Variants in CIART observed in about 807,000 individuals in gnomAD.
CIART encodes circadian associated repressor of transcription, also known as circadian-associated transcriptional repressor.
CIART carries 7 observed loss-of-function variants against 22.1 expected under a neutral mutation model. The observed-to-expected ratio is 0.32, with a 90% CI of 0.18 to 0.59. The LOEUF (loss-of-function observed/expected upper bound fraction) is 0.59, where lower values mean the gene tolerates loss of function less well. Among genes scored for constraint, CIART ranks in the 20% least tolerant of loss-of-function variants. The probability of loss-of-function intolerance (pLI) is 0.86; values close to 1 mark genes in which losing one functional copy is unlikely to be tolerated. For missense variants in CIART, 440 were observed against 478.0 expected, an observed-to-expected ratio of 0.92 and a Z score of 0.74; for synonymous variants, 163 against 174.6, an observed-to-expected ratio of 0.93 and a Z score of 0.53.
rs1336321389 is a variant in CIART at position 150,283,633 on chromosome 1, G to A, written c.366G>A (p.Lys122=). 4 of 1,613,124 alleles carry A rather than the reference G, an allele frequency of 2.5e-6. No individual in the cohort carries two copies. Among genetic ancestry groups the A allele is most frequent in the Non-Finnish European group, 3.4e-6 (4 of 1,179,444 alleles). ...AGGGAGACCTGCTGTTTGCCCAGAAGGTAAGAGAAAGCAGGTGAAAGGAGA... is the reference window on the plus strand; with the variant it reads ...AGGGAGACCTGCTGTTTGCCCAGAAAGTAAGAGAAAGCAGGTGAAAGGAGA... ...TTEGDLLFAQ[K]CKELQGFIPP... The change falls in exon 1 of 5, where the codon AAG becomes AAA. Residue 122 remains lysine, a splice_region_variant and synonymous_variant. Transcript: ENST00000290363.
Position 150,283,287 on chromosome 1 carries a change from T to G in CIART, c.20T>G (p.Val7Gly), listed in dbSNP as rs1653257650. The change falls in exon 1 of 5, where the codon GTT becomes GGT. Residue 7 changes from valine (V) to glycine (G), a missense_variant. Coordinates refer to ENST00000290363, the MANE Select transcript of CIART (RefSeq NM_144697.4). ...GGACCTATGGATTCTCCATCTAGCGTTTCTTCCTATTCCTCCTACTCTCTC... is the reference window on the plus strand; with the variant it reads ...GGACCTATGGATTCTCCATCTAGCGGTTCTTCCTATTCCTCCTACTCTCTC... MDSPSS[V>G]SSYSSYSLSS... is the part of the protein sequence containing the mutation. 1.3e-6 allele frequency: 2 copies of G among 1,521,714 alleles called. No individual in the cohort carries two copies. Among genetic ancestry groups the G allele is most frequent in the Non-Finnish European group, 1.8e-6 (2 of 1,136,394 alleles). The allele number at this position is 1,521,714 out of a possible 1,614,324, so 94.3% of individuals were successfully genotyped here. A position where few individuals can be genotyped will look rare whatever the true frequency, so the allele number is the denominator to read the frequency against.
At position 150,284,614 on chromosome 1, in the gene CIART, C is replaced by G; in HGVS notation, c.539C>G (p.Thr180Ser). The G allele has an allele frequency of 1.2e-6, 2 of 1,613,260 alleles. No homozygotes were observed. Among genetic ancestry groups the G allele is most frequent in the Non-Finnish European group, 1.7e-6 (2 of 1,179,274 alleles). ...TTTCACAGGGAACGTTACCTAGGAA[C>G]CTTGCTACAGGTAGAAGGGATGTTA... ...KPQMGERYLG[T>S]LLQVEGMLKT... is the part of the protein sequence containing the mutation. The change falls in exon 4 of 5, where the codon ACC (threonine) becomes AGC (serine). Residue 180 changes from threonine to serine, a missense_variant. Physicochemically the swap from Thr to Ser is moderately conservative, Grantham distance 58. Coordinates refer to ENST00000290363, the MANE Select transcript of CIART (RefSeq NM_144697.4).
Position 150,286,866 on chromosome 1 carries a change from C to T in CIART, c.1070C>T (p.Thr357Ile). The change falls in exon 5 of 5, where the codon ACC becomes ATC. Residue 357 changes from threonine (T) to isoleucine (I), a missense_variant. Coordinates refer to ENST00000290363, the MANE Select transcript of CIART (RefSeq NM_144697.4). Reference protein sequence around the residue: ...SYTLSPPSLPTLARKMTIGHR... With the variant: ...SYTLSPPSLPILARKMTIGHR... ...ACCCTATCCCCTCCCAGTCTACCCA[C>T]CTTGGCCAGAAAGATGACCATAGGA... The T allele has an allele frequency of 6.2e-7, 1 of 1,613,084 alleles. No individual in the cohort carries two copies. Among genetic ancestry groups the T allele is most frequent in the Non-Finnish European group, 8.5e-7 (1 of 1,179,228 alleles).
At position 150,283,303 on chromosome 1, in the gene CIART, C is replaced by T. The variant is rs1560050879; in HGVS notation, c.36C>T (p.Ser12=). ...DSPSSVSSYS[S]YSLSSSFPTS... is the part of the protein sequence containing the mutation. ...CATCTAGCGTTTCTTCCTATTCCTC[C>T]TACTCTCTCTCTTCGTCTTTTCCCA... is the stretch of plus-strand genomic sequence containing the variant. Residue 12 remains serine (S), a synonymous_variant, in exon 1 of 5, where the codon TCC becomes TCT. Coordinates refer to ENST00000290363, the MANE Select transcript of CIART (RefSeq NM_144697.4). The T allele has an allele frequency of 2.0e-6, 3 of 1,532,704 alleles. No homozygotes were observed. Among genetic ancestry groups the T allele is most frequent in the African/African-American group, 1.4e-5 (1 of 72,264 alleles). 94.9% of individuals were successfully genotyped at this position (1,532,704 alleles called of 1,614,324 possible). A position where few individuals can be genotyped will look rare whatever the true frequency, so the allele number is the denominator to read the frequency against.
At chr1:150,286,142 T>G (rs1653473078) in intron 4 of CIART, among the ~76,000 whole-genome samples, 1 of 152,012 alleles carries the variant, frequency 6.6e-6, no homozygotes, top group African/African-American at 2.4e-5. Context: ...TTATAAATAG[T>G]GAGAACCTAT....
intron 3 of CIART, 31 bp from the exon 4 acceptor site, chr1:150,284,566 C>T: frequency 6.3e-7 from 1 of 1,598,484 alleles, no homozygotes; most frequent in Non-Finnish European, 8.6e-7. Context: ...AATCCTGTTG[C>T]TGGTTTTTTA....
intron 2 of CIART, 82 bp downstream of exon 2, chr1:150,283,962 C>A: frequency 1.9e-6 from 2 of 1,034,102 alleles, no homozygotes; most frequent in Non-Finnish European, 3.0e-6. Flanking sequence ...CTCTGAAGTT[C>A]TTGTTTGGGG....
At position 150,286,713 on chromosome 1, in the gene CIART, C is replaced by G; in HGVS notation, c.917C>G (p.Ser306Cys). Residue 306 changes from serine to cysteine, a missense_variant, in exon 5 of 5, where the codon TCT becomes TGT. Physicochemically the swap from Ser to Cys is moderately radical, Grantham distance 112. Transcript: ENST00000290363. Reference protein sequence around the residue: ...LQHGVQPFTHSAPTTPVPPTT... With the variant: ...LQHGVQPFTHCAPTTPVPPTT... The stretch of plus-strand genomic sequence containing the variant: ...CATGGAGTGCAACCCTTCACCCACT[C>G]TGCCCCAACCACCCCAGTCCCACCT... 6.2e-7 allele frequency: 1 copy of G among 1,613,922 alleles called. No homozygotes were observed. Among genetic ancestry groups the G allele is most frequent in the Non-Finnish European group, 8.5e-7 (1 of 1,179,796 alleles).
chr1:150,285,620 C>A (rs1653448712), intron 4 of CIART: 1 of 152,114 alleles, frequency 6.6e-6, no homozygotes, highest in African/African-American at 2.4e-5. Context: ...GGAGAGTCTC[C>A]TGTAGATAAT....
chr1:150,282,792 C>G lies in CIART; in HGVS notation c.-476C>G, dbSNP rs1217384695. 1.3e-5 allele frequency: 2 copies of G among 152,820 alleles called. No individual in the cohort carries two copies. Among genetic ancestry groups the G allele is most frequent in the Non-Finnish European group, 2.9e-5 (2 of 68,502 alleles). 9.5% of individuals were successfully genotyped at this position (152,820 alleles called of 1,614,324 possible). On this transcript the variant is annotated 5_prime_UTR_variant, in exon 1 of 5. Coordinates refer to ENST00000290363, the MANE Select transcript of CIART (RefSeq NM_144697.4). ...GATTGGGAGAGGGCAGGAGGCCAGT[C>G]TCTATGGGGGCGGTTCCCGTAGGAT...
At chr1:150,286,373 G>A in intron 4 of CIART, 57 bp from the exon 5 acceptor site, 1 of 1,442,042 alleles carries the variant, frequency 6.9e-7, no homozygotes, top group Admixed American at 1.8e-5. Flanking sequence ...TAACCAGGTG[G>A]AGCTCATCTG....
chr1:150,283,372 G>A lies in CIART; in HGVS notation c.105G>A (p.Glu35=). 6.2e-7 allele frequency: 1 copy of A among 1,602,030 alleles called. No homozygotes were observed. Among genetic ancestry groups the A allele is most frequent in the South Asian group, 1.1e-5 (1 of 90,128 alleles). The change falls in exon 1 of 5, where the codon GAG becomes GAA. Residue 35 remains glutamate (E), a synonymous_variant. Transcript: ENST00000290363. ...NSDFGFPSDS[E]REDKGAHGPR... ...ACTTTGGCTTCCCCTCTGATAGTGA[G>A]AGGGAGGACAAGGGGGCCCATGGGC...
At chr1:150,283,751 G>A (rs1653298264) in intron 1 of CIART, 54 bp from the exon 2 acceptor site, 2 of 1,545,876 alleles carry the variant, frequency 1.3e-6, no homozygotes, top group African/African-American at 1.4e-5. Flanking sequence ...AAGAGCCACT[G>A]CTGGTGTGGG....
chr1:150,284,962 C>G, intron 4 of CIART: 2 of 512,396 alleles, frequency 3.9e-6, no homozygotes, highest in South Asian at 4.6e-5. Context: ...CACAGCTTAT[C>G]TGCTTTCTGC....
At chr1:150,284,944 C>T in intron 4 of CIART, 1 of 552,072 alleles carries the variant, frequency 1.8e-6, no homozygotes, top group Non-Finnish European at 3.2e-6. Context: ...TAATCCTATC[C>T]CTCATGCCAC....
intron 2 of CIART, 61 bp downstream of exon 2, chr1:150,283,941 G>T: frequency 7.5e-7 from 1 of 1,339,038 alleles, no homozygotes; most frequent in East Asian, 2.3e-5. Context: ...TCCCTCTTTT[G>T]ACGTGTATTT....
At chr1:150,285,925 T>TA (rs1560054172) in intron 4 of CIART, among the ~76,000 whole-genome samples, 1 of 152,168 alleles carries the variant, frequency 6.6e-6, no homozygotes, top group Non-Finnish European at 1.5e-5. Flanking sequence ...GAGGCTGCAG[T>TA]AAGCCATGAT....
At chr1:150,283,677 G>T in intron 1 of CIART, 44 bp downstream of exon 1, 1 of 1,600,350 alleles carries the variant, frequency 6.2e-7, no homozygotes. Context: ...GAGTGCCTTA[G>T]CACCCAGCTG....
rs112315972 is a variant in CIART at position 150,286,391 on chromosome 1, T to C, written c.634-39T>C. The stretch of plus-strand genomic sequence containing the variant: ...CCAGGTGGAGCTCATCTGAATGCTT[T>C]CTCCACATTTCTTTTTTTCTCATTT... On this transcript the variant is annotated intron_variant, in intron 4 of 4. Coordinates refer to ENST00000290363, the MANE Select transcript of CIART (RefSeq NM_144697.4). 43 of 1,499,784 alleles carry C rather than the reference T, an allele frequency of 2.9e-5. No individual in the cohort carries two copies. The African/African-American group carries it at 5.1e-4, about 18-fold the overall frequency. The allele number at this position is 1,499,784 out of a possible 1,614,324, so 92.9% of individuals were successfully genotyped here.
Sources: gnomAD v4.1 joint callset for allele counts (sites outside exome capture counted in the v4.1 genomes callset) on GRCh38, gnomAD v4.1.1 for gene constraint, MANE v1.5 for transcripts, NCBI Gene and HGNC (gene_info 2026-07-23, HGNC 2026-07-21) for gene names.